The following NCF2 variants were observed in gnomAD, a reference collection of about 807,000 sequenced individuals.
NCF2 encodes the protein neutrophil cytosol factor 2.
In NCF2, 45 loss-of-function variants were observed where a neutral mutation model predicts 70.9. The observed-to-expected ratio is 0.63, with a 90% CI of 0.50 to 0.81. The LOEUF is 0.81. Among genes scored for constraint, NCF2 ranks in the 40% least tolerant of loss-of-function variants. The pLI is 0.00. For synonymous variants in NCF2, 203 were observed against 233.6 expected (o/e 0.87, Z 1.19); for missense variants, 522 against 631.6 (o/e 0.83, Z 1.86).
chr1:183,597,418 G>T, the NCF2 span, among the ~76,000 whole-genome samples: 2 of 152,076 alleles, frequency 1.3e-5, no homozygotes, highest in African/African-American at 4.8e-5. Context: ...AAGCGGAGGG[G>T]GCACAGAAGA....
Position 183,567,187 on chromosome 1 carries a change from C to T in NCF2, c.855+17G>A. On this transcript the variant is annotated intron_variant, in intron 8 of 14. Coordinates refer to ENST00000367535, the MANE Select transcript of NCF2 (RefSeq NM_000433.4). The stretch of plus-strand genomic sequence containing the variant: ...GGATCCCATGCCCATCGCACCAGCC[C>T]CTGATCCTCTGCATACCTGCCCGTT... 1 of 1,614,130 alleles carries T rather than the reference C, an allele frequency of 6.2e-7. No homozygotes were observed. Among genetic ancestry groups the T allele is most frequent in the Non-Finnish European group, 8.5e-7 (1 of 1,180,016 alleles).
In NCF2 at chr1:183,556,144, A is replaced by C. The variant is rs2102867422; in HGVS notation, c.1555T>G (p.Leu519Val). Residue 519 changes from leucine (L) to valine (V), a missense_variant, in exon 15 of 15, where the codon TTG becomes GTG. By Grantham distance (32) the Leu-to-Val change is conservative. Transcript: ENST00000367535. ...TAGACTTCTCTCCGAGTGCTTTCCA[A>C]ATCTGTAGTTGCGCAGTCTTCAACA... ...VFVEDCATTDLESTRREV is the reference protein window; with the variant it reads ...VFVEDCATTDVESTRREV 6.2e-7 allele frequency: 1 copy of C among 1,614,176 alleles called. No individual in the cohort carries two copies. The highest frequency in any genetic ancestry group is 8.5e-7 in the Non-Finnish European group (1 of 1,180,022).
In NCF2 at chr1:183,556,459, T is replaced by A. The variant is rs1251853502; in HGVS notation, c.1469-229A>T. Among the ~76,000 whole-genome samples, 3 of 152,128 alleles carry A rather than the reference T, an allele frequency of 2.0e-5. No individual in the cohort carries two copies. The East Asian group carries it at 5.8e-4, about 29-fold the overall frequency. On this transcript the variant is annotated intron_variant, in intron 14 of 14. Transcript: ENST00000367535. ...GCAAAATGAAGAAGGATAAATTATGTTTTTCAAAAAGTTACCAGATAGAGA... is the reference window on the plus strand; with the variant it reads ...GCAAAATGAAGAAGGATAAATTATGATTTTCAAAAAGTTACCAGATAGAGA...
intron 3 of NCF2, among the ~76,000 whole-genome samples, chr1:183,575,954 G>A (rs1672783217): frequency 6.6e-6 from 1 of 152,208 alleles, no homozygotes. Context: ...TTCTGAATTC[G>A]TTGGCTTCTC....
In NCF2 at chr1:183,590,146, C is replaced by A. The variant is rs756489228; in HGVS notation, c.174+10G>T. 1 of 1,614,186 alleles carries A rather than the reference C, an allele frequency of 6.2e-7. No individual in the cohort carries two copies. Among genetic ancestry groups the A allele is most frequent in the South Asian group, 1.1e-5 (1 of 91,080 alleles). ...ACAGAGGAGGCCCGGAAAGAGGCACCTCCACTCACCTTCTCTGCTTCAGTC... is the reference window on the plus strand; with the variant it reads ...ACAGAGGAGGCCCGGAAAGAGGCACATCCACTCACCTTCTCTGCTTCAGTC... On this transcript the variant is annotated intron_variant, in intron 1 of 14. Transcript: ENST00000367535.
chr1:183,557,591 A>C (rs1025764400), intron 14 of NCF2, among the ~76,000 whole-genome samples: 1 of 152,232 alleles, frequency 6.6e-6, no homozygotes, highest in Non-Finnish European at 1.5e-5. Context: ...TGACCGCTAA[A>C]TTCTGTTTTC....
At chr1:183,563,953 C>T (rs1196687029) in intron 11 of NCF2, 52 bp downstream of exon 11, 22 of 1,548,470 alleles carry the variant, frequency 1.4e-5, no homozygotes, top group Non-Finnish European at 1.9e-5. Context: ...GGTTGATAGC[C>T]CAAGCTATCC....
intron 14 of NCF2, 98 bp downstream of exon 14, chr1:183,559,998 G>C (rs1671970159): frequency 2.2e-6 from 3 of 1,374,126 alleles, no homozygotes; most frequent in Non-Finnish European, 2.1e-6. Flanking sequence ...ACTGGCTAAA[G>C]TTTTGTTTGT....
chr1:183,557,286 T>C (rs1180557951), intron 14 of NCF2, among the ~76,000 whole-genome samples: 4 of 152,224 alleles, frequency 2.6e-5, no homozygotes. Context: ...AAGGCACTGG[T>C]GCCTGGATCC....
chr1:183,568,004 C>T (rs1250813342), intron 7 of NCF2, among the ~76,000 whole-genome samples: 5 of 152,064 alleles, frequency 3.3e-5, no homozygotes, highest in Admixed American at 1.3e-4. Flanking sequence ...TTTCAGGCTT[C>T]CCTCCCTTTA....
At chr1:183,563,108 G>C in intron 13 of NCF2, 87 bp downstream of exon 13, 1 of 1,205,204 alleles carries the variant, frequency 8.3e-7, no homozygotes, top group South Asian at 1.2e-5. Context: ...ATAGTGCCTA[G>C]TACACAGAAG....
At chr1:183,581,315 A>AAAGAAAGAAAGAAAAG (rs1553259012) in intron 2 of NCF2, among the ~76,000 whole-genome samples, 1 of 143,472 alleles carries the variant, frequency 7.0e-6, no homozygotes, top group African/African-American at 2.6e-5. Flanking sequence ...AGAAAGAAAG[A>AAAGAAAGAAAGAAAAG]AAAGAAAGTC....
At chr1:183,583,653 T>C (rs2102926487) in intron 2 of NCF2, among the ~76,000 whole-genome samples, 3 of 152,258 alleles carry the variant, frequency 2.0e-5, no homozygotes, top group Admixed American at 2.0e-4. Flanking sequence ...AAGACAAATA[T>C]ATACAGGAAG....
intron 2 of NCF2, among the ~76,000 whole-genome samples, chr1:183,585,677 CTGA>C (rs898466043): frequency 1.9e-4 from 28 of 149,650 alleles, no homozygotes; most frequent in Non-Finnish European, 5.9e-5. Context: ...TTCCCTAGAA[CTGA>C]TGCACACTGG....
At chr1:183,582,844 AGAGAGGCGAGACAGCTT>A (rs1262862890) in intron 2 of NCF2, among the ~76,000 whole-genome samples, 2 of 152,230 alleles carry the variant, frequency 1.3e-5, no homozygotes, top group Non-Finnish European at 2.9e-5. Flanking sequence ...CGCTGGGGCT[AGAGAGGCGAGACAGCTT>A]GGCTGTTATC....
Position 183,575,443 on chromosome 1 carries a change from G to T in NCF2, c.367-822C>A, listed in dbSNP as rs574241652. Among the ~76,000 whole-genome samples the T allele has an allele frequency of 3.3e-5, 5 of 152,324 alleles. No homozygotes were observed. The East Asian group carries it at 9.6e-4, about 29-fold the overall frequency. On this transcript the variant is annotated intron_variant, in intron 3 of 14. Coordinates refer to ENST00000367535, the MANE Select transcript of NCF2 (RefSeq NM_000433.4). The stretch of plus-strand genomic sequence containing the variant: ...CCAGGGGCACCTTCACCTCAGGTGG[G>T]GGGGGAATGGTAAATGCAACAGTGT...
chr1:183,560,629 A>C (rs1024558030), intron 13 of NCF2, among the ~76,000 whole-genome samples: 1 of 152,232 alleles, frequency 6.6e-6, no homozygotes, highest in Admixed American at 6.5e-5. Flanking sequence ...CACAGTTCAC[A>C]ATAGGGTTCA....
At chr1:183,583,628 C>T (rs999368644) in intron 2 of NCF2, among the ~76,000 whole-genome samples, 3 of 152,130 alleles carry the variant, frequency 2.0e-5, no homozygotes, top group East Asian at 1.9e-4. Flanking sequence ...TTACGAAATT[C>T]GTAGAGTAGT....
chr1:183,558,600 C>CT (rs1446691416), intron 14 of NCF2, among the ~76,000 whole-genome samples: 6 of 151,714 alleles, frequency 4.0e-5, no homozygotes, highest in Admixed American at 3.9e-4. Flanking sequence ...GAGTCTCGCT[C>CT]TGTCACCCAG....
Sources: gnomAD v4.1 joint callset for allele counts (sites outside exome capture counted in the v4.1 genomes callset) on GRCh38, gnomAD v4.1.1 for gene constraint, MANE v1.5 for transcripts, NCBI Gene and HGNC (gene_info 2026-07-23, HGNC 2026-07-21) for gene names.